The following MYRIP variants were observed in gnomAD, a reference collection of about 807,000 sequenced individuals.
MYRIP encodes the protein rab effector MyRIP.
Under a neutral mutation model 98.0 loss-of-function variants are expected in MYRIP, and 49 were observed. That is an observed-to-expected ratio of 0.50 (90% confidence interval 0.40 to 0.63). The LOEUF (loss-of-function observed/expected upper bound fraction) is 0.63. Among genes scored for constraint, MYRIP ranks in the 30% least tolerant of loss-of-function variants. MYRIP has a pLI of 0.00. For missense variants in MYRIP, 1,004 were observed against 1,058.2 expected, an observed-to-expected ratio of 0.95 and a Z score of 0.71; for synonymous variants, 404 against 409.5, an observed-to-expected ratio of 0.99 and a Z score of 0.16.
At chr3:40,240,177 T>C (rs1483280414) in intron 12 of MYRIP, among the ~76,000 whole-genome samples, 2 of 151,254 alleles carry the variant, frequency 1.3e-5, no homozygotes, top group Non-Finnish European at 2.9e-5. Context: ...CCTTTCCCCA[T>C]TGCTTGTTTT....
At position 39,814,943 on chromosome 3, in the gene MYRIP, T is replaced by C. The variant is rs1480074327; in HGVS notation, c.-31+5027T>C. ...GTCATTCTACAAGGCTTTATAATAT[T>C]CTCCATAAAGTTCTGAAACTTGTAT... On this transcript the variant is annotated intron_variant, in intron 1 of 16. Coordinates refer to ENST00000302541, the MANE Select transcript of MYRIP (RefSeq NM_015460.4). Among the ~76,000 whole-genome samples the C allele has an allele frequency of 2.0e-5, 3 of 152,340 alleles. No individual in the cohort carries two copies. In the East Asian group the frequency reaches 5.8e-4, roughly 29 times the overall value.
At chr3:40,210,216 C>T (rs935577002) in intron 11 of MYRIP, 123 bp downstream of exon 11, 4 of 1,250,396 alleles carry the variant, frequency 3.2e-6, no homozygotes, top group South Asian at 1.6e-5. Flanking sequence ...ATGCCCATCC[C>T]TGTGCATTTG....
intron 2 of MYRIP, among the ~76,000 whole-genome samples, chr3:39,915,489 T>C (rs1944131681): frequency 1.3e-5 from 2 of 152,002 alleles, no homozygotes; most frequent in African/African-American, 2.4e-5. Context: ...AATTATATAC[T>C]AATAAAAAAT....
At position 40,104,605 on chromosome 3, in the gene MYRIP, C is replaced by T. The variant is rs146090210; in HGVS notation, c.333-46443C>T. On this transcript the variant is annotated intron_variant, in intron 3 of 16. Coordinates refer to ENST00000302541, the MANE Select transcript of MYRIP (RefSeq NM_015460.4). ...AACTCTTGTTTTGTATTTTCAGTGT[C>T]AACATTCTCTGTCAACATTCTCATC... Among the ~76,000 whole-genome samples, 542 of 152,278 alleles carry T rather than the reference C, an allele frequency of 3.6e-3. 4 individuals carry two copies. Among genetic ancestry groups the T allele is most frequent in the African/African-American group, 0.012 (515 of 41,532 alleles).
chr3:40,167,084 G>C (rs1950516353), intron 6 of MYRIP, 75 bp from the exon 7 acceptor site: 2 of 1,482,032 alleles, frequency 1.3e-6, no homozygotes, highest in Non-Finnish European at 1.9e-6. Flanking sequence ...TTGTGGTCAG[G>C]ACTCTCCTGG....
intron 1 of MYRIP, among the ~76,000 whole-genome samples, chr3:39,896,860 G>GTT (rs200380330): frequency 4.1e-5 from 6 of 144,604 alleles, no homozygotes; most frequent in African/African-American, 1.5e-4. Context: ...CTCTGTTTTT[G>GTT]TTTTTTTTTT....
chr3:40,053,737 C>T (rs1029502375), intron 3 of MYRIP, among the ~76,000 whole-genome samples: 1 of 152,144 alleles, frequency 6.6e-6, no homozygotes, highest in South Asian at 2.1e-4. Context: ...CCTTCAACTG[C>T]TCAACAGGCT....
rs537024473 is a variant in MYRIP, at chr3:40,124,912, CCT to C, written c.333-26134_333-26133del. Among the ~76,000 whole-genome samples, 8 of 152,232 alleles carry C rather than the reference CCT, an allele frequency of 5.3e-5. No homozygotes were observed. The South Asian group carries it at 1.2e-3, about 24-fold the overall frequency. On this transcript the variant is annotated intron_variant, in intron 3 of 16. Transcript: ENST00000302541. ...CTCAGTTCCTTTCTTTTTTCAATTGCCTCCCTCATATAGAAGAGGCAGTGCAG... is the reference window on the plus strand; with the variant it reads ...CTCAGTTCCTTTCTTTTTTCAATTGCCCCTCATATAGAAGAGGCAGTGCAG...
intron 1 of MYRIP, among the ~76,000 whole-genome samples, chr3:39,886,219 A>G (rs1943298509): frequency 6.6e-6 from 1 of 152,138 alleles, no homozygotes; most frequent in Non-Finnish European, 1.5e-5. Context: ...AACCGGTACC[A>G]GCCACTGCAA....
At chr3:40,099,901 G>A in intron 3 of MYRIP, 1 of 795,084 alleles carries the variant, frequency 1.3e-6, no homozygotes, top group Non-Finnish European at 1.5e-6. Context: ...AGCTTTAAAT[G>A]AGCTTTGGTG....
intron 3 of MYRIP, among the ~76,000 whole-genome samples, chr3:40,058,012 A>G (rs532685561): frequency 9.8e-4 from 149 of 152,208 alleles, no homozygotes; most frequent in Non-Finnish European, 1.5e-3. Context: ...AGCTATTACT[A>G]TGATGTTTTC....
At chr3:40,067,733 C>T (rs1424454474) in intron 3 of MYRIP, among the ~76,000 whole-genome samples, 1 of 149,386 alleles carries the variant, frequency 6.7e-6, no homozygotes, top group Admixed American at 6.7e-5. Context: ...CTGGTACGCA[C>T]GAGATACCCT....
At chr3:40,155,386 T>A (rs1950208137) in intron 4 of MYRIP, among the ~76,000 whole-genome samples, 1 of 151,486 alleles carries the variant, frequency 6.6e-6, no homozygotes, top group Non-Finnish European at 1.5e-5. Context: ...TAATCCAGTC[T>A]ATCATTGTTG....
At chr3:39,853,894 G>T (rs1416053045) in intron 1 of MYRIP, among the ~76,000 whole-genome samples, 1 of 152,026 alleles carries the variant, frequency 6.6e-6, no homozygotes, top group Non-Finnish European at 1.5e-5. Flanking sequence ...TCATGTCTTA[G>T]ATTTAAGTCT....
At chr3:39,872,879 C>T (rs1254532025) in intron 1 of MYRIP, among the ~76,000 whole-genome samples, 5 of 152,076 alleles carry the variant, frequency 3.3e-5, no homozygotes, top group African/African-American at 7.2e-5. Flanking sequence ...GGTCAAATGG[C>T]ATTTCTAGTT....
chr3:40,028,472 CT>C (rs1294847765), intron 2 of MYRIP, among the ~76,000 whole-genome samples: 1 of 152,166 alleles, frequency 6.6e-6, no homozygotes, highest in Non-Finnish European at 1.5e-5. Context: ...GTTATAGATA[CT>C]TGGATCACTG....
chr3:39,810,457 G>C (rs1030693658), intron 1 of MYRIP: 1 of 152,944 alleles, frequency 6.5e-6, no homozygotes, highest in East Asian at 1.9e-4. Context: ...TGCCTGGGGA[G>C]GGGAGAGCTG....
intron 2 of MYRIP, among the ~76,000 whole-genome samples, chr3:39,969,556 T>C (rs6800783): frequency 0.47 from 71,321 of 151,886 alleles, 17,494 homozygotes; most frequent in African/African-American, 0.64. Flanking sequence ...TATTGAAAGC[T>C]TTTTCTGGGT....
rs1384201975 is a variant in MYRIP, at chr3:39,809,659, T to C, written c.-288T>C. The C allele has an allele frequency of 1.3e-5, 2 of 151,798 alleles. No individual in the cohort carries two copies. The highest frequency in any genetic ancestry group is 2.9e-5 in the Non-Finnish European group (2 of 67,870). The allele number at this position is 151,798 out of a possible 1,614,324, so 9.4% of individuals were successfully genotyped here. A position where few individuals can be genotyped will look rare whatever the true frequency, so the allele number is the denominator to read the frequency against. On this transcript the variant is annotated 5_prime_UTR_variant, in exon 1 of 17. Transcript: ENST00000302541. Reference sequence around the variant, plus strand: ...CGGGCGCCTCCCTCGCAGCCGCTGCTGCCGACGCCGCTGCGCTCCCGCCTC... The same window carrying C: ...CGGGCGCCTCCCTCGCAGCCGCTGCCGCCGACGCCGCTGCGCTCCCGCCTC...
Sources: allele counts gnomAD v4.1 joint callset (sites outside exome capture counted in the v4.1 genomes callset), GRCh38; gene constraint gnomAD v4.1.1; transcripts MANE v1.5; gene names NCBI Gene and HGNC (gene_info 2026-07-23, HGNC 2026-07-21).